The following ARHGEF3 variants were observed in gnomAD, a reference collection of about 807,000 sequenced individuals.
ARHGEF3 encodes 59.8 kDA protein.
ARHGEF3 carries 28 observed loss-of-function variants against 63.2 expected under a neutral mutation model. The ratio of observed to expected loss-of-function variants is 0.44; its 90% CI spans 0.33 to 0.61. The LOEUF (loss-of-function observed/expected upper bound fraction) is 0.61, where lower values mean the gene tolerates loss of function less well. ARHGEF3 is among the 20% of genes least tolerant of loss of function. The probability of loss-of-function intolerance (pLI) is 0.03; values close to 1 mark genes in which losing one functional copy is unlikely to be tolerated. For missense variants in ARHGEF3, 533 were observed against 659.3 expected, an observed-to-expected ratio of 0.81 and a Z score of 2.10; for synonymous variants, 266 against 254.2, an observed-to-expected ratio of 1.05 and a Z score of -0.44.
chr3:56,876,390 G>C (rs776421018), intron 4 of ARHGEF3, among the ~76,000 whole-genome samples: 2 of 152,232 alleles, frequency 1.3e-5, no homozygotes, highest in Middle Eastern at 3.4e-3. Flanking sequence ...AATACTGCTC[G>C]GCCTCAATGA....
chr3:56,987,573 C>G (rs1022531526), intron 2 of ARHGEF3, among the ~76,000 whole-genome samples: 1 of 152,226 alleles, frequency 6.6e-6, no homozygotes, highest in Middle Eastern at 3.4e-3. Flanking sequence ...CTGGGCATGC[C>G]CTTAGCTAAG....
intron 2 of ARHGEF3, among the ~76,000 whole-genome samples, chr3:56,959,724 T>C (rs141477806): frequency 6.6e-6 from 1 of 152,162 alleles, no homozygotes; most frequent in Admixed American, 6.6e-5. Flanking sequence ...ACGTCTGTAA[T>C]CCCAGCACTT....
chr3:56,826,855 A>T (rs13074522), intron 4 of ARHGEF3, among the ~76,000 whole-genome samples: 58,653 of 152,140 alleles, frequency 0.39, 13,863 homozygotes, highest in Non-Finnish European at 0.53. Context: ...TCACTACCCC[A>T]AATATTCTTC....
At chr3:57,032,487 A>G (rs1009563731) in intron 2 of ARHGEF3, among the ~76,000 whole-genome samples, 2 of 152,244 alleles carry the variant, frequency 1.3e-5, no homozygotes, top group African/African-American at 2.4e-5. Context: ...AGCACTGGGT[A>G]GAAACCAGGG....
At chr3:56,802,515 C>G (rs75918259), upstream of ARHGEF3, among the ~76,000 whole-genome samples, 1,772 of 152,212 alleles carry the variant, frequency 0.012, 36 homozygotes, top group African/African-American at 0.04. Flanking sequence ...TTGTTGAGTT[C>G]TGACAAATGT....
chr3:56,965,832 T>C (rs1700472777), intron 2 of ARHGEF3, among the ~76,000 whole-genome samples: 1 of 151,862 alleles, frequency 6.6e-6, no homozygotes, highest in African/African-American at 2.4e-5. Context: ...GTATTTTTAT[T>C]AGAGATGTGG....
At chr3:56,945,815 T>C (rs1237588443) in intron 3 of ARHGEF3, among the ~76,000 whole-genome samples, 1 of 152,192 alleles carries the variant, frequency 6.6e-6, no homozygotes, top group Non-Finnish European at 1.5e-5. Context: ...GATCTGAGAA[T>C]GGACAGACTG....
intron 1 of ARHGEF3, chr3:56,774,946 G>A (rs2036211933): frequency 2.2e-6 from 3 of 1,338,572 alleles, no homozygotes; most frequent in Admixed American, 2.9e-5. Flanking sequence ...ACAGGCTATG[G>A]GGAAGAGAAT....
intron 9 of ARHGEF3, among the ~76,000 whole-genome samples, 199 bp from the exon 10 acceptor site, chr3:56,729,821 G>A (rs1039186491): frequency 1.2e-4 from 18 of 151,782 alleles, no homozygotes; most frequent in Admixed American, 3.3e-4. Flanking sequence ...CAGGTCTAGC[G>A]TTCAGCTGCC....
chr3:56,996,874 T>C (rs1195902967), intron 2 of ARHGEF3, among the ~76,000 whole-genome samples: 1 of 107,414 alleles, frequency 9.3e-6, no homozygotes, highest in Non-Finnish European at 2.1e-5. Flanking sequence ...AAAACATTAT[T>C]ATTATTATTA....
chr3:56,838,928 A>G (rs904877), intron 4 of ARHGEF3, among the ~76,000 whole-genome samples: 148,985 of 152,070 alleles, frequency 0.98, 73,060 homozygotes, highest in East Asian at 1. Context: ...CCAGGAGTTC[A>G]AGACCAGCCT....
intron 1 of ARHGEF3, among the ~76,000 whole-genome samples, chr3:57,055,804 C>T (rs1704903807): frequency 2.0e-5 from 3 of 152,208 alleles, no homozygotes; most frequent in Admixed American, 6.5e-5. Flanking sequence ...AATTCCAATG[C>T]ACATCCCTAC....
chr3:56,781,716 A>T (rs1009716914), intron 1 of ARHGEF3, among the ~76,000 whole-genome samples: 2 of 152,222 alleles, frequency 1.3e-5, no homozygotes, highest in African/African-American at 4.8e-5. Context: ...TTTGTAACTA[A>T]CACATAGTTT....
At chr3:57,074,383 T>G in intron 1 of ARHGEF3, 1 of 834,206 alleles carries the variant, frequency 1.2e-6, no homozygotes. Flanking sequence ...TAGCCATCCC[T>G]TTCTGCATCT....
chr3:56,923,548 T>C (rs1442708797), intron 3 of ARHGEF3, among the ~76,000 whole-genome samples: 1 of 151,948 alleles, frequency 6.6e-6, no homozygotes, highest in Non-Finnish European at 1.5e-5. Context: ...TTCCTTCCAA[T>C]AGAGAAAAAA....
At chr3:57,031,434 G>A (rs879374597) in intron 2 of ARHGEF3, among the ~76,000 whole-genome samples, 1 of 152,264 alleles carries the variant, frequency 6.6e-6, no homozygotes, top group Middle Eastern at 3.4e-3. Context: ...TATGCCAGGA[G>A]CTTTCCAATG....
intron 2 of ARHGEF3, among the ~76,000 whole-genome samples, chr3:56,971,032 A>G (rs2106845656): frequency 6.6e-6 from 1 of 152,294 alleles, no homozygotes; most frequent in African/African-American, 2.4e-5. Flanking sequence ...GCCCTCTTCC[A>G]GGGAACCAGC....
rs1482701911 is a variant in ARHGEF3, at chr3:57,043,488, G to C, written c.-27-8312C>G. Among the ~76,000 whole-genome samples, 3 of 65,470 alleles carry C rather than the reference G, an allele frequency of 4.6e-5. No individual in the cohort carries two copies. In the Admixed American group the frequency reaches 6.0e-4, roughly 13 times the overall value. 43.0% of individuals were successfully genotyped at this position (65,470 alleles called of 152,430 possible). A position where few individuals can be genotyped will look rare whatever the true frequency, so the allele number is the denominator to read the frequency against. On this transcript the variant is annotated intron_variant, in intron 1 of 12. Coordinates refer to the ARHGEF3 transcript ENST00000338458. ...TTAGTATTACTAAAATTGTTTCAAA[G>C]TTAAAAAAAAAAAAAAAACCCTGAG...
chr3:56,836,505 C>G (rs1394301609), intron 4 of ARHGEF3, among the ~76,000 whole-genome samples: 1 of 152,162 alleles, frequency 6.6e-6, no homozygotes, highest in Admixed American at 6.6e-5. Flanking sequence ...TCCCTACAAT[C>G]ATGTTTGGGA....
Sources: allele counts gnomAD v4.1 joint callset (sites outside exome capture counted in the v4.1 genomes callset), GRCh38; gene constraint gnomAD v4.1.1; transcripts MANE v1.5; gene names NCBI Gene and HGNC (gene_info 2026-07-23, HGNC 2026-07-21).